Variants in DAB1 observed in about 807,000 individuals in gnomAD.
DAB1 encodes DAB adaptor protein 1.
In DAB1, 15 loss-of-function variants were observed where a neutral mutation model predicts 64.6. The ratio of observed to expected loss-of-function variants is 0.23; its 90% CI spans 0.16 to 0.36. The LOEUF (loss-of-function observed/expected upper bound fraction) is 0.36, where lower values mean the gene tolerates loss of function less well. Ranked by LOEUF, DAB1 falls within the 10% of genes least tolerant of loss-of-function variation. The pLI is 1.00. For synonymous variants in DAB1, 235 were observed against 251.9 expected, an observed-to-expected ratio of 0.93 and a Z score of 0.64; for missense variants, 596 against 706.7, an observed-to-expected ratio of 0.84 and a Z score of 1.78.
intron 6 of DAB1, among the ~76,000 whole-genome samples, chr1:57,718,498 T>C (rs1458417029): frequency 2.0e-5 from 3 of 152,180 alleles, no homozygotes; most frequent in Non-Finnish European, 4.4e-5. Flanking sequence ...AGAATTTTTT[T>C]TGATGACTGA....
intron 1 of DAB1, among the ~76,000 whole-genome samples, chr1:57,321,173 T>C (rs891796205): frequency 1.3e-5 from 2 of 152,286 alleles, no homozygotes; most frequent in Non-Finnish European, 2.9e-5. Context: ...CTGACTCCAA[T>C]TTCAGCACTT....
chr1:57,042,302 T>C (rs562345241), intron 9 of DAB1, among the ~76,000 whole-genome samples: 1 of 152,348 alleles, frequency 6.6e-6, no homozygotes, highest in Admixed American at 6.5e-5. Flanking sequence ...TGTCTTAATA[T>C]CACATGCCCT....
chr1:57,200,888 A>G (rs1272465491), intron 2 of DAB1, among the ~76,000 whole-genome samples: 1 of 152,204 alleles, frequency 6.6e-6, no homozygotes, highest in Non-Finnish European at 1.5e-5. Flanking sequence ...GAGATGAGGC[A>G]AGTAGTTTTT....
At chr1:57,964,442 T>C (rs191954391) in intron 5 of DAB1, among the ~76,000 whole-genome samples, 6 of 152,318 alleles carry the variant, frequency 3.9e-5, no homozygotes, top group Middle Eastern at 3.4e-3. Flanking sequence ...ACAGCTTTGA[T>C]AACTGAGCAT....
At chr1:57,183,543 T>C (rs1663210196) in intron 2 of DAB1, among the ~76,000 whole-genome samples, 1 of 152,154 alleles carries the variant, frequency 6.6e-6, no homozygotes, top group South Asian at 2.1e-4. Context: ...ATGAGTCCAT[T>C]CCTGGGCATG....
chr1:57,062,281 T>G (rs1650481300), intron 9 of DAB1, among the ~76,000 whole-genome samples: 1 of 152,246 alleles, frequency 6.6e-6, no homozygotes, highest in Admixed American at 6.5e-5. Context: ...TTTCCAAAAT[T>G]TTCACGCTTT....
intron 2 of DAB1, among the ~76,000 whole-genome samples, chr1:57,263,340 G>A (rs547350491): frequency 1.3e-5 from 2 of 151,982 alleles, no homozygotes; most frequent in African/African-American, 4.8e-5. Flanking sequence ...GGCTGGTTTC[G>A]AACTCCTGAC....
intron 3 of DAB1, among the ~76,000 whole-genome samples, chr1:58,410,547 A>T (rs543980667): frequency 1.3e-5 from 2 of 152,318 alleles, no homozygotes; most frequent in Admixed American, 1.3e-4. Flanking sequence ...TTTCACCAGC[A>T]TGAATAGGCT....
intron 2 of DAB1, among the ~76,000 whole-genome samples, chr1:57,283,861 C>G (rs1481345984): frequency 6.6e-6 from 1 of 152,198 alleles, no homozygotes; most frequent in East Asian, 1.9e-4. Context: ...ACTGACAAAT[C>G]ATTTTCCTCT....
intron 6 of DAB1, among the ~76,000 whole-genome samples, chr1:57,714,541 C>G (rs1265257903): frequency 6.6e-6 from 1 of 152,100 alleles, no homozygotes; most frequent in East Asian, 1.9e-4. Flanking sequence ...AGCATGGGGG[C>G]AACCAGGCAG....
At chr1:57,976,470 T>C (rs536026772) in intron 5 of DAB1, among the ~76,000 whole-genome samples, 1 of 152,314 alleles carries the variant, frequency 6.6e-6, no homozygotes, top group Non-Finnish European at 1.5e-5. Flanking sequence ...TTTTATTGTG[T>C]TTGCTCAACC....
intron 5 of DAB1, among the ~76,000 whole-genome samples, chr1:58,046,364 A>G (rs1364173115): frequency 6.6e-6 from 1 of 152,222 alleles, no homozygotes; most frequent in Non-Finnish European, 1.5e-5. Flanking sequence ...AAATGTTTAT[A>G]TCGTCCAAAT....
chr1:58,330,206 T>C (rs529709149), intron 4 of DAB1, among the ~76,000 whole-genome samples: 1 of 152,316 alleles, frequency 6.6e-6, no homozygotes, highest in Non-Finnish European at 1.5e-5. Flanking sequence ...GTTTTAGTGG[T>C]CTGGCTAAAG....
intron 1 of DAB1, among the ~76,000 whole-genome samples, chr1:57,336,156 C>T (rs541291999): frequency 6.6e-6 from 1 of 152,254 alleles, no homozygotes; most frequent in South Asian, 2.1e-4. Flanking sequence ...TTATTTTTTT[C>T]TCCACATTTT....
At chr1:57,130,197 A>T (rs932298810) in intron 4 of DAB1, among the ~76,000 whole-genome samples, 2 of 152,032 alleles carry the variant, frequency 1.3e-5, no homozygotes, top group African/African-American at 4.8e-5. Flanking sequence ...GAGATGGGAC[A>T]ATATAACCAA....
intron 4 of DAB1, among the ~76,000 whole-genome samples, chr1:57,074,095 C>T (rs1362784550): frequency 1.3e-5 from 2 of 152,030 alleles, no homozygotes; most frequent in Admixed American, 1.3e-4. Context: ...GTCTCAGACT[C>T]CTGGGCTCAA....
intron 7 of DAB1, among the ~76,000 whole-genome samples, chr1:57,515,314 C>T (rs1644451406): frequency 6.6e-6 from 1 of 152,160 alleles, no homozygotes; most frequent in South Asian, 2.1e-4. Context: ...TGCAGTGATG[C>T]TGGAATAATT....
chr1:57,489,753 C>A (rs938202989), intron 7 of DAB1, among the ~76,000 whole-genome samples: 3 of 152,200 alleles, frequency 2.0e-5, no homozygotes. Context: ...ATGATACAAG[C>A]CTTCTGTCTT....
At chr1:57,801,656 A>AT (rs908552994) in intron 6 of DAB1, among the ~76,000 whole-genome samples, 28 of 150,904 alleles carry the variant, frequency 1.9e-4, no homozygotes, top group Middle Eastern at 3.4e-3. Flanking sequence ...GAATTTTTTT[A>AT]TTTTTTTTTA....
Sources: allele counts gnomAD v4.1 joint callset (sites outside exome capture counted in the v4.1 genomes callset), GRCh38; gene constraint gnomAD v4.1.1; transcripts MANE v1.5; gene names NCBI Gene and HGNC (gene_info 2026-07-23, HGNC 2026-07-21).